The following STX8 variants were observed in gnomAD, a reference collection of about 807,000 sequenced individuals.
STX8 encodes the protein syntaxin 8.
Under a neutral mutation model 37.5 loss-of-function variants are expected in STX8, and 23 were observed. That is an observed-to-expected ratio of 0.61 (90% confidence interval 0.44 to 0.87). The LOEUF is 0.87. STX8 is among the 40% of genes least tolerant of loss of function. The pLI is 0.00. For missense variants in STX8, 313 were observed against 284.7 expected, an observed-to-expected ratio of 1.10 and a Z score of -0.71; for synonymous variants, 115 against 99.1, an observed-to-expected ratio of 1.16 and a Z score of -0.95.
chr17:9,473,960 A>C (rs1358621051), intron 6 of STX8, among the ~76,000 whole-genome samples: 1 of 152,186 alleles, frequency 6.6e-6, no homozygotes, highest in Non-Finnish European at 1.5e-5. Flanking sequence ...GAGGGCTGGA[A>C]CTTTCAGGCC....
At position 9,557,525 on chromosome 17, in the gene STX8, T is replaced by A; in HGVS notation, c.121A>T (p.Thr41Ser). 6.2e-7 allele frequency: 1 copy of A among 1,613,912 alleles called. No individual in the cohort carries two copies. Among genetic ancestry groups the A allele is most frequent in the South Asian group, 1.1e-5 (1 of 91,064 alleles). Residue 41 changes from threonine to serine, a missense_variant, in exon 3 of 8, where the codon ACC becomes TCC. Physicochemically the swap from Thr to Ser is moderately conservative, Grantham distance 58. Transcript: ENST00000306357. ...TGCAACAAAGCTCTGATTGTCACGG[T>A]AAGCTGAAAAGAAAAGAACACATCC... ...ERKGEKAPKL[T>S]VTIRALLQNL...
At chr17:9,561,397 GC>G (rs1907224289) in intron 2 of STX8, among the ~76,000 whole-genome samples, 1 of 152,004 alleles carries the variant, frequency 6.6e-6, no homozygotes, top group South Asian at 2.1e-4. Flanking sequence ...GGTGGGTCAC[GC>G]TTGTAATCCC....
At chr17:9,407,091 T>A (rs1912827244) in intron 6 of STX8, among the ~76,000 whole-genome samples, 1 of 152,210 alleles carries the variant, frequency 6.6e-6, no homozygotes, top group South Asian at 2.1e-4. Flanking sequence ...AACAGGTCAA[T>A]ATGAAAGAAA....
At chr17:9,357,417 C>T (rs911883245) in intron 7 of STX8, among the ~76,000 whole-genome samples, 8 of 151,958 alleles carry the variant, frequency 5.3e-5, no homozygotes, top group South Asian at 2.1e-4. Flanking sequence ...TGGCCAGGCA[C>T]GGTGGCTCAC....
intron 6 of STX8, among the ~76,000 whole-genome samples, chr17:9,397,723 TC>T (rs1286876856): frequency 6.6e-6 from 1 of 151,990 alleles, no homozygotes; most frequent in African/African-American, 2.4e-5. Flanking sequence ...CACCTGTAAT[TC>T]CAGCACCTTG....
chr17:9,466,697 C>G (rs4791839), intron 6 of STX8, among the ~76,000 whole-genome samples: 17,677 of 152,038 alleles, frequency 0.12, 1,334 homozygotes, highest in Non-Finnish European at 0.17. Flanking sequence ...TCCAATATGC[C>G]CTCTTCTCAT....
intron 7 of STX8, among the ~76,000 whole-genome samples, chr17:9,287,458 G>A (rs1908120615): frequency 6.6e-6 from 1 of 152,158 alleles, no homozygotes; most frequent in African/African-American, 2.4e-5. Flanking sequence ...GGGATATGAC[G>A]AGATGCTGGA....
chr17:9,281,455 T>C (rs1235553728), intron 7 of STX8, among the ~76,000 whole-genome samples: 1 of 152,160 alleles, frequency 6.6e-6, no homozygotes, highest in African/African-American at 2.4e-5. Flanking sequence ...AATCTTGGAA[T>C]TGCTGCGAGC....
At chr17:9,441,805 A>G (rs1904669096) in intron 6 of STX8, among the ~76,000 whole-genome samples, 1 of 150,756 alleles carries the variant, frequency 6.6e-6, no homozygotes, top group African/African-American at 2.4e-5. Context: ...CCTCCCAAGT[A>G]GCTGGGACTA....
intron 6 of STX8, among the ~76,000 whole-genome samples, chr17:9,394,143 C>G (rs1037565370): frequency 6.6e-5 from 10 of 152,130 alleles, no homozygotes; most frequent in Non-Finnish European, 1.2e-4. Flanking sequence ...ACACTGTTGT[C>G]ACAGAGGGCA....
At chr17:9,279,570 A>G (rs1480938527) in intron 7 of STX8, among the ~76,000 whole-genome samples, 1 of 152,164 alleles carries the variant, frequency 6.6e-6, no homozygotes, top group African/African-American at 2.4e-5. Flanking sequence ...GTAGAAAAAG[A>G]CCTAAGATAC....
intron 6 of STX8, among the ~76,000 whole-genome samples, chr17:9,406,228 G>A (rs925034350): frequency 1.3e-5 from 2 of 152,142 alleles, no homozygotes; most frequent in African/African-American, 2.4e-5. Context: ...CTTCTTGGGA[G>A]CATTTCCAGG....
At chr17:9,360,206 A>G (rs2142258152) in intron 7 of STX8, among the ~76,000 whole-genome samples, 1 of 150,814 alleles carries the variant, frequency 6.6e-6, no homozygotes, top group African/African-American at 2.4e-5. Flanking sequence ...GGCAAAATAC[A>G]TATAATGTAA....
At chr17:9,369,767 C>T (rs543967487) in intron 7 of STX8, among the ~76,000 whole-genome samples, 1 of 150,794 alleles carries the variant, frequency 6.6e-6, no homozygotes, top group African/African-American at 2.4e-5. Flanking sequence ...ACGGCGAGTG[C>T]CTGTAGTCCC....
intron 6 of STX8, among the ~76,000 whole-genome samples, chr17:9,458,853 G>A (rs928141609): frequency 3.5e-5 from 5 of 143,376 alleles, no homozygotes; most frequent in East Asian, 2.1e-4. Flanking sequence ...TTTTTGAGAC[G>A]GAGTCTCACT....
chr17:9,412,092 T>C (rs548156560), intron 6 of STX8, among the ~76,000 whole-genome samples: 41 of 152,286 alleles, frequency 2.7e-4, no homozygotes, highest in African/African-American at 9.9e-4. Flanking sequence ...TCAGTCAACT[T>C]GAGTTGACGG....
In STX8 at chr17:9,254,676, G is replaced by A. The variant is rs575051683; in HGVS notation, c.644-4031C>T. Among the ~76,000 whole-genome samples, 8 of 152,204 alleles carry A rather than the reference G, an allele frequency of 5.3e-5. No homozygotes were observed. In the South Asian group the frequency reaches 6.2e-4, roughly 12 times the overall value. On this transcript the variant is annotated intron_variant, in intron 7 of 7. Transcript: ENST00000306357. The stretch of plus-strand genomic sequence containing the variant: ...CTCCCAAAGTGCTGGGATTACAGGC[G>A]TGAGCCACCGCGCCCGGCCTTGAAT...
intron 6 of STX8, among the ~76,000 whole-genome samples, chr17:9,401,712 G>C (rs1254652111): frequency 6.6e-6 from 1 of 152,102 alleles, no homozygotes; most frequent in Non-Finnish European, 1.5e-5. Context: ...CTTTCTTATA[G>C]GAGATCTCTG....
intron 6 of STX8, among the ~76,000 whole-genome samples, chr17:9,480,121 C>T (rs558065038): frequency 9.9e-5 from 15 of 152,268 alleles, no homozygotes; most frequent in African/African-American, 3.6e-4. Context: ...GTGTTATCAC[C>T]GTCTCTAACT....
Sources: gnomAD v4.1 joint callset for allele counts (sites outside exome capture counted in the v4.1 genomes callset) on GRCh38, gnomAD v4.1.1 for gene constraint, MANE v1.5 for transcripts, NCBI Gene and HGNC (gene_info 2026-07-23, HGNC 2026-07-21) for gene names.